ITGB3BP: variants seen among roughly 807,000 people sequenced by gnomAD.
ITGB3BP encodes centromere protein R.
ITGB3BP carries 27 observed loss-of-function variants against 29.1 expected under a neutral mutation model. The ratio of observed to expected loss-of-function variants is 0.93; its 90% CI spans 0.68 to 1.28. ITGB3BP has a LOEUF of 1.28. ITGB3BP is among the 50% of genes most tolerant of loss of function. ITGB3BP has a pLI of 0.00. For synonymous variants in ITGB3BP, 61 were observed against 61.4 expected (o/e 0.99, Z 0.03); for missense variants, 192 against 200.2 (o/e 0.96, Z 0.25).
Position 63,454,555 on chromosome 1 carries a change from G to C in ITGB3BP, c.334-82C>G. On this transcript the variant is annotated intron_variant, in intron 5 of 8. Coordinates refer to ENST00000271002, the MANE Select transcript of ITGB3BP (RefSeq NM_014288.5). This position sits in a 1 kb window ranked among gnomAD's most constrained non-coding sequence, Gnocchi z 4.1. ...ATGTCTAGTGAAAATACAGTATATT[G>C]TTTCCTTCATTTGAAAAACTTAAAC... 1 of 646,592 alleles carries C rather than the reference G, an allele frequency of 1.5e-6. No homozygotes were observed. The highest frequency in any genetic ancestry group is 2.7e-6 in the Non-Finnish European group (1 of 376,904). 40.1% of individuals were successfully genotyped at this position (646,592 alleles called of 1,614,324 possible).
chr1:63,445,415 C>T (rs567315767), intron 8 of ITGB3BP, among the ~76,000 whole-genome samples: 7 of 152,242 alleles, frequency 4.6e-5, no homozygotes, highest in South Asian at 4.1e-4. Flanking sequence ...TCATAAAAAA[C>T]GGACACAATT....
intron 3 of ITGB3BP, among the ~76,000 whole-genome samples, chr1:63,481,692 T>C (rs889472834): frequency 2.6e-5 from 4 of 152,234 alleles, no homozygotes; most frequent in Admixed American, 1.3e-4. Flanking sequence ...CAAATGAAGA[T>C]AGCTTTCAAC....
intron 2 of ITGB3BP, among the ~76,000 whole-genome samples, chr1:63,493,420 ACAAACAAAC>A (rs918306320): frequency 6.1e-5 from 6 of 97,884 alleles, no homozygotes; most frequent in African/African-American, 3.3e-4. Context: ...GTCTCAAAAA[ACAAACAAAC>A]AAACAAACAA....
chr1:63,498,662 C>A (rs145037623), intron 2 of ITGB3BP, among the ~76,000 whole-genome samples: 165 of 144,816 alleles, frequency 1.1e-3, no homozygotes, highest in African/African-American at 4.0e-3. Context: ...AAAAGAAAAG[C>A]AAACTAAACC....
intron 1 of ITGB3BP, among the ~76,000 whole-genome samples, chr1:63,511,873 C>T (rs975570659): frequency 2.0e-5 from 3 of 151,878 alleles, no homozygotes; most frequent in African/African-American, 7.3e-5. Context: ...GTGATGGTTG[C>T]ACAACAAGGT....
chr1:63,446,876 T>C lies in ITGB3BP; in HGVS notation c.485-20A>G. 1.3e-6 allele frequency: 2 copies of C among 1,512,466 alleles called. No homozygotes were observed. The highest frequency in any genetic ancestry group is 1.8e-6 in the Non-Finnish European group (2 of 1,107,656). 93.7% of individuals were successfully genotyped at this position (1,512,466 alleles called of 1,614,324 possible). On this transcript the variant is annotated intron_variant, in intron 7 of 8. Coordinates refer to ENST00000271002, the MANE Select transcript of ITGB3BP (RefSeq NM_014288.5). ...GTGATGCTATATGAAAGAAGAAAGGTTTTTTTTTTCAGAAAACAATTCAAA... is the reference window on the plus strand; with the variant it reads ...GTGATGCTATATGAAAGAAGAAAGGCTTTTTTTTTCAGAAAACAATTCAAA...
At chr1:63,487,548 C>T (rs1645554623) in intron 3 of ITGB3BP, among the ~76,000 whole-genome samples, 1 of 151,950 alleles carries the variant, frequency 6.6e-6, no homozygotes, top group African/African-American at 2.4e-5. Context: ...TATAACCTAC[C>T]ACACACCTAG....
chr1:63,505,199 G>A (rs1462743663), intron 2 of ITGB3BP, among the ~76,000 whole-genome samples: 3 of 152,102 alleles, frequency 2.0e-5, no homozygotes, highest in East Asian at 3.9e-4. Context: ...GCCTGTTATT[G>A]GTCTATTCGG....
chr1:63,517,280 C>T (rs183491138), intron 1 of ITGB3BP, among the ~76,000 whole-genome samples: 339 of 151,936 alleles, frequency 2.2e-3, no homozygotes, highest in Non-Finnish European at 3.9e-3. Context: ...AATAATACCA[C>T]ATTTATCACT....
At chr1:63,476,228 A>G (rs1469492636) in intron 4 of ITGB3BP, among the ~76,000 whole-genome samples, 1 of 151,646 alleles carries the variant, frequency 6.6e-6, no homozygotes, top group Non-Finnish European at 1.5e-5. Context: ...CAGTGGCACG[A>G]TATCAACTCA....
chr1:63,453,029 TTTGAGGCCAGACTGGTC>T (rs1394985416), intron 7 of ITGB3BP, among the ~76,000 whole-genome samples: 1 of 152,210 alleles, frequency 6.6e-6, no homozygotes, highest in Non-Finnish European at 1.5e-5. Flanking sequence ...GACCAGAGTT[TTTGAGGCCAGACTGGTC>T]TTTGGTTGGA....
rs183041343 is a variant in ITGB3BP at position 63,484,308 on chromosome 1, A to G, written c.185-5475T>C. ...TATACTATTTTCTACAAGGGACTTG[A>G]GAGTCTGTGGATCTTGGAAACTGAG... On this transcript the variant is annotated intron_variant, in intron 3 of 8. Transcript: ENST00000271002. 4.8e-4 allele frequency among the ~76,000 whole-genome samples: 73 copies of G among 152,196 alleles called. 1 individual carries two copies. Among genetic ancestry groups the G allele is most frequent in the African/African-American group, 1.4e-3 (59 of 41,552 alleles).
chr1:63,522,895 C>T (rs922987107), intron 1 of ITGB3BP: 4 of 700,604 alleles, frequency 5.7e-6, no homozygotes, highest in Non-Finnish European at 1.0e-5. Context: ...CCACAGTTTA[C>T]GAAATCTGTC....
Position 63,454,525 on chromosome 1 carries a change from C to G in ITGB3BP, c.334-52G>C. On this transcript the variant is annotated intron_variant, in intron 5 of 8. Coordinates refer to ENST00000271002, the MANE Select transcript of ITGB3BP (RefSeq NM_014288.5). This position sits in a 1 kb window ranked among gnomAD's most constrained non-coding sequence, Gnocchi z 4.1. ...TAAGTTCTCTACACACATGAGATTACTGACATGTCTAGTGAAAATACAGTA... is the reference window on the plus strand; with the variant it reads ...TAAGTTCTCTACACACATGAGATTAGTGACATGTCTAGTGAAAATACAGTA... 1 of 811,384 alleles carries G rather than the reference C, an allele frequency of 1.2e-6. No homozygotes were observed. 50.3% of individuals were successfully genotyped at this position (811,384 alleles called of 1,614,324 possible).
chr1:63,508,875 TATA>T (rs1646137571), intron 1 of ITGB3BP, among the ~76,000 whole-genome samples: 3 of 145,266 alleles, frequency 2.1e-5, no homozygotes, highest in African/African-American at 7.9e-5. Context: ...TAAAAACTCT[TATA>T]AAAGTTAGTA....
chr1:63,508,873 C>T (rs907306743), intron 1 of ITGB3BP, among the ~76,000 whole-genome samples: 3 of 144,958 alleles, frequency 2.1e-5, no homozygotes, highest in Admixed American at 6.9e-5. Flanking sequence ...TATAAAAACT[C>T]TTATAAAAGT....
chr1:63,519,728 A>G (rs1292923465), intron 1 of ITGB3BP, among the ~76,000 whole-genome samples: 2 of 152,066 alleles, frequency 1.3e-5, no homozygotes, highest in East Asian at 1.9e-4. Flanking sequence ...TTTATAATCA[A>G]CCCACAAAAT....
chr1:63,520,820 T>A (rs1360466231), intron 1 of ITGB3BP, among the ~76,000 whole-genome samples: 1 of 152,152 alleles, frequency 6.6e-6, no homozygotes, highest in African/African-American at 2.4e-5. Context: ...GTATTTATCA[T>A]TTCTCTGCCT....
upstream of ITGB3BP, among the ~76,000 whole-genome samples, chr1:63,524,040 G>A (rs148883183): frequency 6.6e-6 from 1 of 152,128 alleles, no homozygotes. Flanking sequence ...CCTGCGGGGG[G>A]TGCAATTATA....
Sources: gnomAD v4.1 joint callset for allele counts (sites outside exome capture counted in the v4.1 genomes callset) on GRCh38, gnomAD v4.1.1 for gene constraint, Gnocchi (gnomAD v3.1) non-coding constraint, MANE v1.5 for transcripts, NCBI Gene and HGNC (gene_info 2026-07-23, HGNC 2026-07-21) for gene names.